Variants in EPHA3 observed in about 807,000 individuals in gnomAD.
EPHA3 encodes the protein ephrin type-A receptor 3.
In EPHA3, 42 loss-of-function variants were observed where a neutral mutation model predicts 107.1. The ratio of observed to expected loss-of-function variants is 0.39; its 90% confidence interval spans 0.31 to 0.51. EPHA3 has a LOEUF of 0.51. Among genes scored for constraint, EPHA3 ranks in the 20% least tolerant of loss-of-function variants. EPHA3 has a pLI of 0.78. For synonymous variants in EPHA3, 461 were observed against 424.8 expected (o/e 1.09, Z -1.05); for missense variants, 1,183 against 1,211.2 (o/e 0.98, Z 0.35).
chr3:89,396,105 A>T, intron 6 of EPHA3, 144 bp downstream of exon 6: 1 of 1,121,702 alleles, frequency 8.9e-7, no homozygotes, highest in East Asian at 2.6e-5. Context: ...CCTTTGATTT[A>T]TTGGTAGAGG....
At chr3:89,410,091 G>A (rs1238449133) in intron 9 of EPHA3, among the ~76,000 whole-genome samples, 3 of 151,816 alleles carry the variant, frequency 2.0e-5, no homozygotes, top group Non-Finnish European at 4.4e-5. Flanking sequence ...GAATCTCTGG[G>A]GTCAGCAGTT....
intron 10 of EPHA3, among the ~76,000 whole-genome samples, chr3:89,416,253 A>T (rs1340624050): frequency 6.6e-6 from 1 of 151,410 alleles, no homozygotes; most frequent in Non-Finnish European, 1.5e-5. Context: ...TCAAAGAGCA[A>T]ATAAAATTGC....
chr3:89,378,398 CAACT>C (rs1288153822), intron 5 of EPHA3, among the ~76,000 whole-genome samples: 1 of 152,070 alleles, frequency 6.6e-6, no homozygotes, highest in Non-Finnish European at 1.5e-5. Context: ...AATGATTTTA[CAACT>C]AACTAATAAT....
chr3:89,158,707 C>T (rs1382374864), intron 2 of EPHA3, among the ~76,000 whole-genome samples: 1 of 151,962 alleles, frequency 6.6e-6, no homozygotes, highest in Non-Finnish European at 1.5e-5. Context: ...TTACAGTGGG[C>T]CTCTTCTTCT....
chr3:89,479,530 G>A lies in EPHA3; in HGVS notation c.*28G>A, dbSNP rs2107581799. On this transcript the variant is annotated 3_prime_UTR_variant, in exon 17 of 17. Transcript: ENST00000336596. ...CACGGGACGGAAGTGCTTCTGGACG[G>A]AAGTGGTGGCTGTGGAAGGCGTAGC... 1.3e-6 allele frequency: 2 copies of A among 1,570,080 alleles called. No individual in the cohort carries two copies. The highest frequency in any genetic ancestry group is 1.8e-6 in the Non-Finnish European group (2 of 1,140,422).
intron 5 of EPHA3, among the ~76,000 whole-genome samples, chr3:89,357,015 G>A (rs1707974426): frequency 7.2e-6 from 1 of 138,112 alleles, no homozygotes; most frequent in Admixed American, 8.0e-5. Flanking sequence ...GGCTGAGGCA[G>A]GAGAATACTT....
chr3:89,413,788 G>A (rs971357065), intron 10 of EPHA3, among the ~76,000 whole-genome samples: 3 of 151,380 alleles, frequency 2.0e-5, no homozygotes, highest in African/African-American at 7.3e-5. Context: ...ATGTGTTAAA[G>A]CTTTTTTTAA....
chr3:89,267,078 T>C (rs886782252), intron 3 of EPHA3, among the ~76,000 whole-genome samples: 2 of 152,018 alleles, frequency 1.3e-5, no homozygotes, highest in Non-Finnish European at 2.9e-5. Flanking sequence ...ATTTGCAGAG[T>C]ATAAGCAAAC....
At chr3:89,406,810 TC>T (rs1223147540) in intron 7 of EPHA3, among the ~76,000 whole-genome samples, 1 of 152,098 alleles carries the variant, frequency 6.6e-6, no homozygotes, top group African/African-American at 2.4e-5. Flanking sequence ...TGTGTTGAGG[TC>T]CATGTATTAT....
intron 3 of EPHA3, among the ~76,000 whole-genome samples, chr3:89,211,308 T>A (rs1402547386): frequency 6.6e-6 from 1 of 152,112 alleles, no homozygotes; most frequent in Admixed American, 6.6e-5. Context: ...GTATATCAGC[T>A]GTGCTATATC....
At chr3:89,228,486 A>C (rs888395173) in intron 3 of EPHA3, among the ~76,000 whole-genome samples, 1 of 151,972 alleles carries the variant, frequency 6.6e-6, no homozygotes, top group Non-Finnish European at 1.5e-5. Context: ...AAGCATAATG[A>C]CAATGTCATA....
chr3:89,461,330 G>C (rs1710237134), intron 15 of EPHA3, among the ~76,000 whole-genome samples: 1 of 64,902 alleles, frequency 1.5e-5, no homozygotes, highest in Admixed American at 1.9e-4. Context: ...ATACTCATTT[G>C]GGTATATACC....
At chr3:89,383,210 G>A (rs1179887567) in intron 5 of EPHA3, among the ~76,000 whole-genome samples, 1 of 152,052 alleles carries the variant, frequency 6.6e-6, no homozygotes, top group African/African-American at 2.4e-5. Flanking sequence ...ATTAAGACCA[G>A]CACATATTTT....
At chr3:89,281,075 G>A (rs1290219373) in intron 3 of EPHA3, among the ~76,000 whole-genome samples, 1 of 151,302 alleles carries the variant, frequency 6.6e-6, no homozygotes, top group African/African-American at 2.4e-5. Context: ...CCAGGCTGGA[G>A]CGCAGTGGTG....
intron 2 of EPHA3, 136 bp downstream of exon 2, chr3:89,127,409 T>C (rs1366447714): frequency 3.0e-5 from 18 of 602,368 alleles, no homozygotes; most frequent in Admixed American, 2.6e-4. Context: ...ATTCAATATA[T>C]GGAGTACCAC....
chr3:89,194,808 T>G (rs568206669), intron 2 of EPHA3, among the ~76,000 whole-genome samples: 164 of 152,244 alleles, frequency 1.1e-3, no homozygotes, highest in African/African-American at 3.7e-3. Flanking sequence ...TCTGACATTG[T>G]TTTTCCCTTG....
At position 89,466,790 on chromosome 3, in the gene EPHA3, A is replaced by C. The variant is rs375630350; in HGVS notation, c.2691-5674A>C. Among the ~76,000 whole-genome samples the C allele has an allele frequency of 9.4e-3, 1,273 of 135,896 alleles. 150 individuals are homozygous for C. The highest frequency in any genetic ancestry group is 0.03 in the African/African-American group (1,105 of 36,614). 89.2% of individuals were successfully genotyped at this position (135,896 alleles called of 152,430 possible). ...ATGGAAATGCAGAAATCACCGTCTT[A>C]TGCGTCGCTCACGCTGGGAGCTGTA... On this transcript the variant is annotated intron_variant, in intron 15 of 16. Coordinates refer to ENST00000336596, the MANE Select transcript of EPHA3 (RefSeq NM_005233.6).
chr3:89,158,902 G>T (rs1421886076), intron 2 of EPHA3, among the ~76,000 whole-genome samples: 1 of 151,980 alleles, frequency 6.6e-6, no homozygotes, highest in African/African-American at 2.4e-5. Context: ...TTTTGTTAAA[G>T]AAAAAATTCC....
intron 13 of EPHA3, among the ~76,000 whole-genome samples, chr3:89,436,305 C>T (rs1287443256): frequency 6.6e-6 from 1 of 152,150 alleles, no homozygotes; most frequent in Non-Finnish European, 1.5e-5. Flanking sequence ...ACAAGTTCAT[C>T]ATTCAAAACA....
Sources: gnomAD v4.1 joint callset for allele counts (sites outside exome capture counted in the v4.1 genomes callset) on GRCh38, gnomAD v4.1.1 for gene constraint, MANE v1.5 for transcripts, NCBI Gene and HGNC (gene_info 2026-07-23, HGNC 2026-07-21) for gene names.